EBF3: variants seen among roughly 807,000 people sequenced by gnomAD.
EBF3 encodes the protein transcription factor COE3.
In EBF3, 18 loss-of-function variants were observed where a neutral mutation model predicts 77.1. The observed-to-expected ratio is 0.23, with a 90% CI of 0.16 to 0.35. The LOEUF (loss-of-function observed/expected upper bound fraction) is 0.35. EBF3 is among the 10% of genes least tolerant of loss of function. The probability of loss-of-function intolerance (pLI) is 1.00; values close to 1 mark genes in which losing one functional copy is unlikely to be tolerated. For missense variants in EBF3, 558 were observed against 860.0 expected, an observed-to-expected ratio of 0.65 and a Z score of 4.39; for synonymous variants, 350 against 343.5, an observed-to-expected ratio of 1.02 and a Z score of -0.21.
intron 10 of EBF3, among the ~76,000 whole-genome samples, chr10:129,858,770 G>A (rs1027412258): frequency 1.1e-4 from 16 of 152,152 alleles, no homozygotes; most frequent in African/African-American, 3.6e-4. Flanking sequence ...GGCCTCAGAG[G>A]CTCCAGGGCT....
At chr10:129,847,333 A>C (rs2133977139) in intron 11 of EBF3, among the ~76,000 whole-genome samples, 1 of 152,200 alleles carries the variant, frequency 6.6e-6, no homozygotes, top group African/African-American at 2.4e-5. Flanking sequence ...CTGGGTAAGG[A>C]TGTTGCAGGC....
chr10:129,912,552 C>G (rs954330377), intron 6 of EBF3, among the ~76,000 whole-genome samples: 1 of 152,204 alleles, frequency 6.6e-6, no homozygotes, highest in Non-Finnish European at 1.5e-5. Flanking sequence ...CCAAATTGAG[C>G]ATTTGCTTGA....
At chr10:129,875,049 T>C (rs1370009262) in intron 7 of EBF3, among the ~76,000 whole-genome samples, 1 of 152,070 alleles carries the variant, frequency 6.6e-6, no homozygotes, top group Admixed American at 6.5e-5. Context: ...TAATACAAAA[T>C]GAATACAATT....
chr10:129,837,996 T>TC (rs1329311927), intron 16 of EBF3, 36 bp from the exon 17 acceptor site: 2 of 1,613,436 alleles, frequency 1.2e-6, no homozygotes, highest in East Asian at 4.5e-5. Context: ...TACTGCAGGC[T>TC]CCCCCACGCG....
rs1859682391 is a variant in EBF3, at chr10:129,963,350, C to G, written c.291+17G>C. 3 of 1,574,082 alleles carry G rather than the reference C, an allele frequency of 1.9e-6. No homozygotes were observed. Among genetic ancestry groups the G allele is most frequent in the Non-Finnish European group, 2.6e-6 (3 of 1,161,288 alleles). On this transcript the variant is annotated intron_variant, in intron 2 of 16. Coordinates refer to ENST00000440978, the MANE Select transcript of EBF3 (RefSeq NM_001375380.1). This position sits in a 1 kb window ranked among gnomAD's most constrained non-coding sequence, Gnocchi z 7.1. ...CTTCTAGAAAGAGAGAGGGTGTGAT[C>G]GTGTGTTTGCACTTACTTTCTCTTT...
chr10:129,863,153 T>A lies in EBF3; in HGVS notation c.1039+3988A>T, dbSNP rs1007052315. Among the ~76,000 whole-genome samples, 25 of 152,252 alleles carry A rather than the reference T, an allele frequency of 1.6e-4. No homozygotes were observed. Among genetic ancestry groups the A allele is most frequent in the African/African-American group, 5.8e-4 (24 of 41,466 alleles). The stretch of plus-strand genomic sequence containing the variant: ...ACAGAGTGATTGTTAATTCTGCTCC[T>A]AAGTGCTAGCCGCTTGAAAATTGTT... On this transcript the variant is annotated intron_variant, in intron 10 of 16. Transcript: ENST00000440978. This position sits in a 1 kb window ranked among gnomAD's most constrained non-coding sequence, Gnocchi z 4.0.
Position 129,963,744 on chromosome 10 carries a change from G to A in EBF3, c.25C>T (p.Pro9Ser). The A allele has an allele frequency of 1.3e-6, 2 of 1,532,242 alleles. No homozygotes were observed. Among genetic ancestry groups the A allele is most frequent in the Non-Finnish European group, 1.8e-6 (2 of 1,132,012 alleles). The allele number at this position is 1,532,242 out of a possible 1,614,324, so 94.9% of individuals were successfully genotyped here. ...TCCTTCATGGTCGTCCCCCCGCGCG[G>A]AATATTCTCCTGAATCCCAAACATG... is the stretch of plus-strand genomic sequence containing the variant. The part of the protein sequence containing the change: MFGIQENI[P>S]RGGTTMKEEP... The change falls in exon 1 of 17, where the codon CCG becomes TCG. Residue 9 changes from proline (P) to serine (S), a missense_variant. Pro to Ser is a moderately conservative substitution (Grantham distance 74, BLOSUM62 -1). Around this residue, in one of 5 missense-constraint regions of EBF3, gnomAD observed 64 missense variants for 54.5 expected, o/e 1.18. Coordinates refer to ENST00000440978, the MANE Select transcript of EBF3 (RefSeq NM_001375380.1). The surrounding 1 kb of genome is among the most constrained non-coding windows in gnomAD (Gnocchi z 7.1).
At chr10:129,844,231 G>A (rs1170231192) in intron 11 of EBF3, among the ~76,000 whole-genome samples, 1 of 152,100 alleles carries the variant, frequency 6.6e-6, no homozygotes, top group African/African-American at 2.4e-5. Flanking sequence ...GGAGAGCTCT[G>A]CTGGTCCACC....
intron 6 of EBF3, among the ~76,000 whole-genome samples, chr10:129,881,970 G>A (rs1481594091): frequency 5.9e-5 from 9 of 152,228 alleles, no homozygotes; most frequent in African/African-American, 1.9e-4. Flanking sequence ...CAGCATAAGC[G>A]TGGAGCAGCA....
rs1291201811 is a variant in EBF3 at position 129,842,228 on chromosome 10, G to C, written c.1260C>G (p.Asn420Lys). The C allele has an allele frequency of 6.2e-7, 1 of 1,614,008 alleles. No individual in the cohort carries two copies. Among genetic ancestry groups the C allele is most frequent in the Non-Finnish European group, 8.5e-7 (1 of 1,180,010 alleles). ...EALYSVPRNH[N>K]QIPTLGNNPA... ...GGTTGTTGCCCAGGGTGGGGATCTG[G>C]TTGTGATTGCGGGGAACGCTGTACA... The change falls in exon 13 of 17, where the codon AAC (asparagine) becomes AAG (lysine). Residue 420 changes from asparagine (N) to lysine (K), a missense_variant. Transcript: ENST00000440978. The surrounding 1 kb of genome is among the most constrained non-coding windows in gnomAD (Gnocchi z 4.4).
At chr10:129,838,971 G>A (rs1302210915) in intron 16 of EBF3, 112 bp downstream of exon 16, 8 of 1,055,560 alleles carry the variant, frequency 7.6e-6, no homozygotes, top group Admixed American at 2.5e-5. Context: ...CAACGACCCT[G>A]GTGTGGTGCC....
intron 10 of EBF3, among the ~76,000 whole-genome samples, chr10:129,852,117 T>A (rs1315769798): frequency 6.6e-6 from 1 of 152,122 alleles, no homozygotes; most frequent in African/African-American, 2.4e-5. Context: ...CAGGCCAGTA[T>A]CCAGAGCGGG....
chr10:129,865,073 T>A (rs1851904031), intron 10 of EBF3, among the ~76,000 whole-genome samples: 1 of 152,212 alleles, frequency 6.6e-6, no homozygotes, highest in Non-Finnish European at 1.5e-5. Flanking sequence ...CTACAGCCTC[T>A]ACAGCCAGAT....
At chr10:129,856,083 G>T (rs1477490372) in intron 10 of EBF3, among the ~76,000 whole-genome samples, 2 of 152,324 alleles carry the variant, frequency 1.3e-5, no homozygotes, top group East Asian at 3.9e-4. Context: ...TCAGGCATCT[G>T]CCCTCCCCAT....
intron 6 of EBF3, among the ~76,000 whole-genome samples, chr10:129,891,594 T>C (rs1289289469): frequency 6.6e-6 from 1 of 152,162 alleles, no homozygotes; most frequent in Admixed American, 6.5e-5. Context: ...GAAGTCAGAG[T>C]TAAATGAACT....
intron 6 of EBF3, among the ~76,000 whole-genome samples, chr10:129,913,586 C>A (rs1213498162): frequency 6.6e-6 from 1 of 152,280 alleles, no homozygotes; most frequent in Non-Finnish European, 1.5e-5. Context: ...GCTGCAACCT[C>A]GAGCACCCCC....
chr10:129,949,241 C>A (rs577846822), intron 6 of EBF3, among the ~76,000 whole-genome samples: 1 of 152,174 alleles, frequency 6.6e-6, no homozygotes, highest in African/African-American at 2.4e-5. Context: ...GCGGAGGTTG[C>A]GGTGAGCCGA....
At chr10:129,891,598 ATGAAC>A (rs2134198352) in intron 6 of EBF3, among the ~76,000 whole-genome samples, 1 of 152,318 alleles carries the variant, frequency 6.6e-6, no homozygotes, top group African/African-American at 2.4e-5. Flanking sequence ...TCAGAGTTAA[ATGAAC>A]TATCTGCAAT....
intron 6 of EBF3, among the ~76,000 whole-genome samples, chr10:129,950,456 A>G (rs894873671): frequency 6.6e-6 from 1 of 152,212 alleles, no homozygotes; most frequent in Non-Finnish European, 1.5e-5. Context: ...GAGTTTCCCT[A>G]TACCCCTCCC....
Sources: gnomAD v4.1 joint callset for allele counts (sites outside exome capture counted in the v4.1 genomes callset) on GRCh38, gnomAD v4.1.1 for gene constraint, gnomAD v4.1.1 regional missense constraint, Gnocchi (gnomAD v3.1) non-coding constraint, MANE v1.5 for transcripts, NCBI Gene and HGNC (gene_info 2026-07-23, HGNC 2026-07-21) for gene names.